ITPK1: variants seen among roughly 807,000 people sequenced by gnomAD.
ITPK1 encodes inositol 1,3,4-trisphosphate 5/6-kinase.
ITPK1 carries 21 observed loss-of-function variants against 45.3 expected under a neutral mutation model. The observed-to-expected ratio is 0.46, with a 90% CI of 0.33 to 0.67. The LOEUF (loss-of-function observed/expected upper bound fraction) is 0.67, where lower values mean the gene tolerates loss of function less well. Among genes scored for constraint, ITPK1 ranks in the 30% least tolerant of loss-of-function variants. The probability of loss-of-function intolerance (pLI) is 0.02; values close to 1 mark genes in which losing one functional copy is unlikely to be tolerated. For missense variants in ITPK1, 474 were observed against 573.5 expected (o/e 0.83, Z 1.77); for synonymous variants, 258 against 253.6 (o/e 1.02, Z -0.16).
In ITPK1 at chr14:92,938,636, GCTGGGT is replaced by G. The variant is rs1443327105; in HGVS notation, c.*2919_*2924del. On this transcript the variant is annotated 3_prime_UTR_variant, in exon 11 of 11. Transcript: ENST00000267615. Reference sequence around the variant, plus strand: ...GCCCCATGGAACCTGCCAGGTTGCAGCTGGGTCCAATCCCGCCGGCCATGCTGGGTG... The same window carrying G: ...GCCCCATGGAACCTGCCAGGTTGCAGCCAATCCCGCCGGCCATGCTGGGTG... The G allele has an allele frequency of 1.1e-6, 1 of 899,128 alleles. No homozygotes were observed. The highest frequency in any genetic ancestry group is 2.0e-5 in the Admixed American group (1 of 50,064). 55.7% of individuals were successfully genotyped at this position (899,128 alleles called of 1,614,324 possible).
chr14:92,991,717 T>C (rs1886798219), intron 5 of ITPK1, among the ~76,000 whole-genome samples: 1 of 152,018 alleles, frequency 6.6e-6, no homozygotes, highest in Non-Finnish European at 1.5e-5. Flanking sequence ...ATCACCGGGT[T>C]CCTGCTCCTT....
At chr14:93,057,407 TTCAC>T (rs1890252655) in intron 3 of ITPK1, among the ~76,000 whole-genome samples, 1 of 152,148 alleles carries the variant, frequency 6.6e-6, no homozygotes, top group Non-Finnish European at 1.5e-5. Context: ...CACTCACACA[TTCAC>T]TCACTCACAC....
intron 5 of ITPK1, among the ~76,000 whole-genome samples, chr14:92,968,782 C>T (rs915755988): frequency 6.6e-6 from 1 of 152,158 alleles, no homozygotes; most frequent in Admixed American, 6.5e-5. Context: ...GCTGACCACA[C>T]TCTGAGCGGC....
chr14:93,108,020 G>A (rs1017512623), intron 2 of ITPK1, among the ~76,000 whole-genome samples: 3 of 152,188 alleles, frequency 2.0e-5, no homozygotes, highest in African/African-American at 4.8e-5. Flanking sequence ...GGGAGCACTC[G>A]GCTTGGAGCG....
chr14:93,094,774 C>T (rs1323779700), intron 2 of ITPK1, among the ~76,000 whole-genome samples: 1 of 152,198 alleles, frequency 6.6e-6, no homozygotes, highest in African/African-American at 2.4e-5. Context: ...GGTGTTCCTC[C>T]CACAGCCAGC....
chr14:92,983,050 C>T (rs776221707), intron 5 of ITPK1, among the ~76,000 whole-genome samples: 1 of 152,230 alleles, frequency 6.6e-6, no homozygotes, highest in Non-Finnish European at 1.5e-5. Context: ...TTTCCTCCCA[C>T]CTGACTTAGC....
chr14:93,017,612 C>T (rs537902098), intron 3 of ITPK1, among the ~76,000 whole-genome samples: 1 of 152,220 alleles, frequency 6.6e-6, no homozygotes, highest in Non-Finnish European at 1.5e-5. Context: ...CCTCCCGGCA[C>T]GCGGCCACCA....
At chr14:93,068,704 T>C (rs928389553) in intron 3 of ITPK1, 4 of 152,150 alleles carry the variant, frequency 2.6e-5, no homozygotes, top group Admixed American at 1.3e-4. Flanking sequence ...CCGCTGTGGA[T>C]TGATCATTTG....
intron 3 of ITPK1, among the ~76,000 whole-genome samples, chr14:93,038,689 G>A (rs770463249): frequency 1.3e-5 from 2 of 151,978 alleles, no homozygotes; most frequent in South Asian, 2.1e-4. Flanking sequence ...CACCACACCC[G>A]GCTAATTTTT....
Position 93,076,142 on chromosome 14 carries a change from C to G in ITPK1, c.120+453G>C, listed in dbSNP as rs750134166. The stretch of plus-strand genomic sequence containing the variant: ...CCATCTGTCCACCTTTCCCCTCCCT[C>G]CAAGATCCTTCCTTCCCCCTCCATC... On this transcript the variant is annotated intron_variant, in intron 3 of 10. Coordinates refer to ENST00000267615, the MANE Select transcript of ITPK1 (RefSeq NM_014216.6). This position sits in a 1 kb window ranked among gnomAD's most constrained non-coding sequence, Gnocchi z 4.3. Among the ~76,000 whole-genome samples, 35 of 151,726 alleles carry G rather than the reference C, an allele frequency of 2.3e-4. No homozygotes were observed. The highest frequency in any genetic ancestry group is 4.6e-4 in the Non-Finnish European group (31 of 67,896).
chr14:93,044,522 A>G (rs771152190), intron 3 of ITPK1, among the ~76,000 whole-genome samples: 3 of 152,230 alleles, frequency 2.0e-5, no homozygotes, highest in Non-Finnish European at 4.4e-5. Context: ...GCCTGGCAGC[A>G]GATGGAAACT....
In ITPK1 at chr14:93,097,988, C is replaced by T. The variant is rs112569726; in HGVS notation, c.95+17081G>A. Among the ~76,000 whole-genome samples the T allele has an allele frequency of 5.8e-3, 886 of 152,034 alleles. 8 individuals carry two copies. Among genetic ancestry groups the T allele is most frequent in the African/African-American group, 0.02 (831 of 41,468 alleles). ...TGCCGCCAATGCACTCCAGCCTGGGCGACAAGAGCAAAACTCCATCTCAAA... is the reference window on the plus strand; with the variant it reads ...TGCCGCCAATGCACTCCAGCCTGGGTGACAAGAGCAAAACTCCATCTCAAA... On this transcript the variant is annotated intron_variant, in intron 2 of 10. Coordinates refer to ENST00000267615, the MANE Select transcript of ITPK1 (RefSeq NM_014216.6).
At position 92,941,104 on chromosome 14, in the gene ITPK1, G is replaced by A. The variant is rs181295496; in HGVS notation, c.*457C>T. The A allele has an allele frequency of 7.0e-5, 84 of 1,201,814 alleles. 1 individual carries two copies. The Admixed American group carries it at 1.0e-3, about 15-fold the overall frequency. 74.4% of individuals were successfully genotyped at this position (1,201,814 alleles called of 1,614,324 possible). ...CAAGGAAGGGGCAGGTCAGGGAGTG[G>A]GGAGTCAGGCAGAAGGGAAGCCACT... On this transcript the variant is annotated 3_prime_UTR_variant, in exon 11 of 11. Coordinates refer to ENST00000267615, the MANE Select transcript of ITPK1 (RefSeq NM_014216.6).
At chr14:93,033,510 A>G (rs1269214398) in intron 3 of ITPK1, among the ~76,000 whole-genome samples, 1 of 152,152 alleles carries the variant, frequency 6.6e-6, no homozygotes, top group Admixed American at 6.5e-5. Context: ...GGGACCACTG[A>G]TGAGTAATCA....
intron 2 of ITPK1, among the ~76,000 whole-genome samples, chr14:93,092,644 A>G (rs1476950232): frequency 6.6e-6 from 1 of 152,202 alleles, no homozygotes; most frequent in African/African-American, 2.4e-5. Context: ...TTGGAAGACG[A>G]GAGTAGTACT....
At chr14:93,013,679 A>C (rs1888030518) in intron 4 of ITPK1, among the ~76,000 whole-genome samples, 1 of 152,242 alleles carries the variant, frequency 6.6e-6, no homozygotes, top group South Asian at 2.1e-4. Context: ...GGAGGACCCC[A>C]GCTCTGGGTG....
At chr14:92,988,411 C>G (rs569878368) in intron 5 of ITPK1, among the ~76,000 whole-genome samples, 1 of 152,214 alleles carries the variant, frequency 6.6e-6, no homozygotes, top group African/African-American at 2.4e-5. Context: ...GGCCCAGCCC[C>G]CCGAGGGGCT....
At chr14:93,089,828 C>T (rs1206976508) in intron 2 of ITPK1, among the ~76,000 whole-genome samples, 1 of 152,232 alleles carries the variant, frequency 6.6e-6, no homozygotes, top group Non-Finnish European at 1.5e-5. Flanking sequence ...AGTCCCCAAA[C>T]AGCTGGAATA....
intron 1 of ITPK1, 57 bp from the exon 2 acceptor site, chr14:93,115,362 G>C (rs866911748): frequency 4.8e-6 from 1 of 209,956 alleles, no homozygotes; most frequent in African/African-American, 2.4e-5. Flanking sequence ...GGAGGGAGCG[G>C]CGCTCAGCGC....
Sources: gnomAD v4.1 joint callset for allele counts (sites outside exome capture counted in the v4.1 genomes callset) on GRCh38, gnomAD v4.1.1 for gene constraint, Gnocchi (gnomAD v3.1) non-coding constraint, MANE v1.5 for transcripts, NCBI Gene and HGNC (gene_info 2026-07-23, HGNC 2026-07-21) for gene names.